The following TDRD1 variants were observed in gnomAD, a reference collection of about 807,000 sequenced individuals.
The protein encoded by TDRD1 is tudor domain containing 1.
TDRD1 carries 37 observed loss-of-function variants against 140.6 expected under a neutral mutation model. The ratio of observed to expected loss-of-function variants is 0.26; its 90% CI spans 0.20 to 0.35. The LOEUF (loss-of-function observed/expected upper bound fraction) is 0.35. Among genes scored for constraint, TDRD1 ranks in the 10% least tolerant of loss-of-function variants. The pLI is 1.00. For synonymous variants in TDRD1, 506 were observed against 475.7 expected (o/e 1.06, Z -0.83); for missense variants, 1,243 against 1,393.0 (o/e 0.89, Z 1.71).
At chr10:114,213,284 A>G (rs1289400771) in intron 14 of TDRD1, 62 bp from the exon 15 acceptor site, 1 of 1,489,552 alleles carries the variant, frequency 6.7e-7, no homozygotes, top group African/African-American at 1.4e-5. Context: ...GGGGGAAATT[A>G]GGAGCTAAAT....
chr10:114,230,454 A>T (rs1016944337), intron 25 of TDRD1, among the ~76,000 whole-genome samples: 1 of 152,214 alleles, frequency 6.6e-6, no homozygotes, highest in Non-Finnish European at 1.5e-5. Context: ...AATCTTCACA[A>T]TGCCCTTGAA....
chr10:114,195,928 A>G (rs1431639315), intron 3 of TDRD1, among the ~76,000 whole-genome samples: 2 of 152,164 alleles, frequency 1.3e-5, no homozygotes, highest in Non-Finnish European at 2.9e-5. Flanking sequence ...TGGTTGTTCT[A>G]CATACGGTAT....
intron 9 of TDRD1, 91 bp downstream of exon 9, chr10:114,204,307 C>T: frequency 7.3e-7 from 1 of 1,367,776 alleles, no homozygotes; most frequent in Non-Finnish European, 9.8e-7. Context: ...TTGTTCTATT[C>T]TGCTGTGTTA....
intron 11 of TDRD1, among the ~76,000 whole-genome samples, chr10:114,208,801 G>T (rs2035294003): frequency 6.7e-6 from 1 of 149,148 alleles, no homozygotes; most frequent in Admixed American, 6.7e-5. Flanking sequence ...TTGAGACAGA[G>T]TCTCGCTCTG....
At chr10:114,181,835 GACA>G (rs2033093002) in intron 1 of TDRD1, among the ~76,000 whole-genome samples, 1 of 106,824 alleles carries the variant, frequency 9.4e-6, no homozygotes, top group South Asian at 3.6e-4. Flanking sequence ...GATGGAGCGA[GACA>G]ACATCTCAAA....
At chr10:114,197,620 C>T (rs2034454890) in intron 3 of TDRD1, among the ~76,000 whole-genome samples, 1 of 148,346 alleles carries the variant, frequency 6.7e-6, no homozygotes, top group East Asian at 2.0e-4. Context: ...TTATTGTCTA[C>T]TGAGTTCTGT....
intron 1 of TDRD1, among the ~76,000 whole-genome samples, chr10:114,180,865 A>G (rs1217189576): frequency 1.3e-5 from 2 of 152,202 alleles, no homozygotes; most frequent in East Asian, 3.8e-4. Flanking sequence ...ATGACAGCTG[A>G]GTATCTGTGC....
chr10:114,185,640 T>G (rs1053237937), intron 1 of TDRD1, among the ~76,000 whole-genome samples: 1 of 152,142 alleles, frequency 6.6e-6, no homozygotes, highest in Admixed American at 6.5e-5. Flanking sequence ...CAGGCTGGAG[T>G]GCAATGGTGT....
Position 114,225,346 on chromosome 10 carries a change from C to A in TDRD1, c.3008-703C>A, listed in dbSNP as rs150084383. On this transcript the variant is annotated intron_variant, in intron 21 of 25. Coordinates refer to ENST00000251864, the Ensembl canonical transcript of TDRD1. Reference sequence around the variant, plus strand: ...GGCCAATCTTCATTTCCAACTCCATCTTAACTCCTGCTTTTGAATGAGCAG... The same window carrying A: ...GGCCAATCTTCATTTCCAACTCCATATTAACTCCTGCTTTTGAATGAGCAG... Among the ~76,000 whole-genome samples, 31 of 152,266 alleles carry A rather than the reference C, an allele frequency of 2.0e-4. No homozygotes were observed. The East Asian group carries it at 5.8e-3, about 28-fold the overall frequency.
chr10:114,217,046 A>G (rs2035856297), intron 16 of TDRD1, among the ~76,000 whole-genome samples: 1 of 152,172 alleles, frequency 6.6e-6, no homozygotes, highest in Non-Finnish European at 1.5e-5. Flanking sequence ...GCCTAATTTC[A>G]TAATTCTGTC....
At chr10:114,201,624 T>TTTTTTTTTTTTTTG in intron 5 of TDRD1, 109 bp downstream of exon 5, 4 of 787,452 alleles carry the variant, frequency 5.1e-6, no homozygotes, top group African/African-American at 1.7e-5. Flanking sequence ...TACTTTTTCT[T>TTTTTTTTTTTTTTG]AAGCTCTATA....
At chr10:114,195,961 C>T (rs952391435) in intron 3 of TDRD1, among the ~76,000 whole-genome samples, 1 of 152,184 alleles carries the variant, frequency 6.6e-6, no homozygotes, top group East Asian at 1.9e-4. Context: ...ACTTAGTTAT[C>T]ATTTTACCAA....
chr10:114,216,894 TTAC>T (rs1305508070), intron 16 of TDRD1, among the ~76,000 whole-genome samples: 1 of 152,228 alleles, frequency 6.6e-6, no homozygotes, highest in African/African-American at 2.4e-5. Context: ...TGCTTTTCTT[TTAC>T]TACTACTAAG....
upstream of TDRD1, among the ~76,000 whole-genome samples, chr10:114,176,605 T>C (rs1343981030): frequency 6.6e-6 from 1 of 152,142 alleles, no homozygotes; most frequent in Non-Finnish European, 1.5e-5. This position sits in a 1 kb window ranked among gnomAD's most constrained non-coding sequence, Gnocchi z 4.2. Context: ...TGGAAATGTT[T>C]AGTATTAATT....
chr10:114,231,354 T>G, intron 25 of TDRD1: 1 of 730,236 alleles, frequency 1.4e-6, no homozygotes, highest in Non-Finnish European at 2.3e-6. Flanking sequence ...TTTTCTTAAC[T>G]GACAGGTCTG....
chr10:114,181,857 A>C (rs910467570), intron 1 of TDRD1, among the ~76,000 whole-genome samples: 1 of 152,106 alleles, frequency 6.6e-6, no homozygotes, highest in Non-Finnish European at 1.5e-5. Context: ...AAAAAAAAAA[A>C]AAAAATTCAC....
At chr10:114,191,965 G>A (rs74909274) in intron 3 of TDRD1, among the ~76,000 whole-genome samples, 2,331 of 152,020 alleles carry the variant, frequency 0.015, 63 homozygotes, top group African/African-American at 0.054. Flanking sequence ...TTTCCCTCAC[G>A]ATTGATGATG....
exon 11 of TDRD1, chr10:114,206,250 T>G: frequency 6.2e-7 from 1 of 1,612,924 alleles, no homozygotes; most frequent in Non-Finnish European, 8.5e-7. Flanking sequence ...TTAGGAAAAC[T>G]TTTAGACCAT....
chr10:114,175,465 C>A (rs1040318643), upstream of TDRD1, among the ~76,000 whole-genome samples: 4 of 152,040 alleles, frequency 2.6e-5, no homozygotes, highest in African/African-American at 9.7e-5. Flanking sequence ...AGAATTAACT[C>A]ATGGTACATT....
Sources: gnomAD v4.1 joint callset for allele counts (sites outside exome capture counted in the v4.1 genomes callset) on GRCh38, gnomAD v4.1.1 for gene constraint, Gnocchi (gnomAD v3.1) non-coding constraint, MANE v1.5 for transcripts, NCBI Gene and HGNC (gene_info 2026-07-23, HGNC 2026-07-21) for gene names.